Variants in AGAP9 observed in about 807,000 individuals in gnomAD.
AGAP9 encodes the protein arf-GAP with GTPase, ANK repeat and PH domain-containing protein 9.
A neutral mutation model predicts 55.6 loss-of-function variants in AGAP9; 23 were observed. That is an observed-to-expected ratio of 0.41 (90% CI 0.30 to 0.59). The LOEUF (loss-of-function observed/expected upper bound fraction) is 0.59, where lower values mean the gene tolerates loss of function less well. Among genes scored for constraint, AGAP9 ranks in the 20% least tolerant of loss-of-function variants. AGAP9 has a pLI of 0.25. For synonymous variants in AGAP9, 120 were observed against 305.0 expected, an observed-to-expected ratio of 0.39 and a Z score of 6.32; for missense variants, 309 against 808.1, an observed-to-expected ratio of 0.38 and a Z score of 7.49.
intron 4 of AGAP9, among the ~76,000 whole-genome samples, chr10:47,513,286 G>T (rs1840665827): frequency 2.1e-5 from 3 of 142,966 alleles, no homozygotes; most frequent in Admixed American, 7.1e-5. Context: ...GTCCGCCTCA[G>T]CCTCCCAAAG....
chr10:47,522,481 C>T (rs1314519283), intron 2 of AGAP9, among the ~76,000 whole-genome samples: 5 of 150,916 alleles, frequency 3.3e-5, no homozygotes, highest in African/African-American at 9.9e-5. Flanking sequence ...ATTTTAAGCA[C>T]TCTCCTTTTT....
chr10:47,520,796 G>A (rs1840808334), intron 2 of AGAP9, among the ~76,000 whole-genome samples: 3 of 83,302 alleles, frequency 3.6e-5, no homozygotes, highest in African/African-American at 1.8e-4. Context: ...AGGTCAGGAA[G>A]TTGAGGCCAG....
intron 2 of AGAP9, among the ~76,000 whole-genome samples, chr10:47,521,518 A>G (rs1840836305): frequency 7.1e-6 from 1 of 140,786 alleles, no homozygotes; most frequent in Non-Finnish European, 1.5e-5. Flanking sequence ...AAGAGCTATA[A>G]GACATTTCCT....
chr10:47,514,255 T>C (rs1840687520), intron 4 of AGAP9, among the ~76,000 whole-genome samples: 1 of 149,388 alleles, frequency 6.7e-6, no homozygotes, highest in Non-Finnish European at 1.5e-5. Flanking sequence ...ATACATATTA[T>C]ATATATATAT....
At chr10:47,514,145 C>A (rs1840684028) in intron 4 of AGAP9, among the ~76,000 whole-genome samples, 1 of 142,840 alleles carries the variant, frequency 7.0e-6, no homozygotes. Context: ...GGGCTATTAT[C>A]CAGAATCTAT....
Position 47,501,875 on chromosome 10 carries a change from C to T in AGAP9, c.*277G>A, listed in dbSNP as rs1397222920. 2.5e-6 allele frequency: 2 copies of T among 801,886 alleles called. No homozygotes were observed. The highest frequency in any genetic ancestry group is 1.9e-6 in the Non-Finnish European group (1 of 513,488). The allele number at this position is 801,886 out of a possible 1,614,324, so 49.7% of individuals were successfully genotyped here. A position where few individuals can be genotyped will look rare whatever the true frequency, so the allele number is the denominator to read the frequency against. ...TGTGGCCAGGAGGGCCTGAGACTAACACATCCACCTTGGCAAAAGGACATA... is the reference window on the plus strand; with the variant it reads ...TGTGGCCAGGAGGGCCTGAGACTAATACATCCACCTTGGCAAAAGGACATA... On this transcript the variant is annotated 3_prime_UTR_variant, in exon 8 of 8. Coordinates refer to ENST00000452145, the MANE Select transcript of AGAP9 (RefSeq NM_001190810.1).
chr10:47,514,320 A>G (rs1840689431), intron 4 of AGAP9, among the ~76,000 whole-genome samples: 1 of 150,262 alleles, frequency 6.7e-6, no homozygotes, highest in Non-Finnish European at 1.5e-5. Context: ...ATTCCCAGCA[A>G]CCTGGATGGA....
rs1440908426 is a variant in AGAP9 at position 47,502,806 on chromosome 10, C to T, written c.1323G>A (p.Gln441=). 1.0e-5 allele frequency: 16 copies of T among 1,591,288 alleles called. No homozygotes were observed. The Admixed American group carries it at 1.2e-4, about 12-fold the overall frequency. Residue 441 remains glutamine (Q), a synonymous_variant, in exon 8 of 8, where the codon CAG becomes CAA. Transcript: ENST00000452145. ...RDAWVQAIQS[Q]ILASLQSCKS... ...TGCATGACTGCAGGCTGGCCAGGAT[C>T]TGGCTCTGGATGGCTTGGACCCAGG... is the stretch of plus-strand genomic sequence containing the variant.
intron 4 of AGAP9, among the ~76,000 whole-genome samples, chr10:47,510,615 G>A (rs1389251883): frequency 1.3e-4 from 16 of 120,172 alleles, no homozygotes; most frequent in African/African-American, 5.2e-4. Context: ...CAGATCACGA[G>A]GTCAAGAGAT....
At chr10:47,521,175 G>A (rs1434012199) in intron 2 of AGAP9, among the ~76,000 whole-genome samples, 42 of 126,316 alleles carry the variant, frequency 3.3e-4, no homozygotes, top group Non-Finnish European at 5.9e-4. Context: ...GGCCAAGTGA[G>A]ACATACATAA....
At chr10:47,510,939 T>A (rs1394182219) in intron 4 of AGAP9, among the ~76,000 whole-genome samples, 11,087 of 113,734 alleles carry the variant, frequency 0.097, 638 homozygotes, top group African/African-American at 0.19. Context: ...TTAATTAATT[T>A]ATTTATTTAT....
intron 2 of AGAP9, among the ~76,000 whole-genome samples, chr10:47,521,049 G>A (rs1239857448): frequency 1.8e-5 from 2 of 113,686 alleles, no homozygotes; most frequent in Non-Finnish European, 3.4e-5. Context: ...TGAGGACACA[G>A]AACCTTAGTT....
Position 47,520,487 on chromosome 10 carries a change from A to C in AGAP9, c.361+12T>G. ...ATTCTTTCTCTTGGCGGAAAAAACAATGTTGTCTCACCATCTGTTTGAGAG... is the reference window on the plus strand; with the variant it reads ...ATTCTTTCTCTTGGCGGAAAAAACACTGTTGTCTCACCATCTGTTTGAGAG... On this transcript the variant is annotated intron_variant, in intron 3 of 7. Transcript: ENST00000452145. 2 of 1,502,388 alleles carry C rather than the reference A, an allele frequency of 1.3e-6. No individual in the cohort carries two copies. Among genetic ancestry groups the C allele is most frequent in the South Asian group, 2.3e-5 (2 of 86,182 alleles). The allele number at this position is 1,502,388 out of a possible 1,614,324, so 93.1% of individuals were successfully genotyped here.
chr10:47,505,252 G>A (rs1337592170), intron 6 of AGAP9, among the ~76,000 whole-genome samples: 20 of 101,038 alleles, frequency 2.0e-4, no homozygotes, highest in African/African-American at 3.7e-4. Flanking sequence ...CTGCTTTTTC[G>A]TTGACACTTG....
chr10:47,503,719 T>C lies in AGAP9; in HGVS notation c.586-176A>G, dbSNP rs1411311570. On this transcript the variant is annotated intron_variant, in intron 7 of 7. Transcript: ENST00000452145. The stretch of plus-strand genomic sequence containing the variant: ...GGTGGGTGGATCACGAGGTCAGGAG[T>C]TCAAGACCATCCTGGCCAACATGGT... Among the ~76,000 whole-genome samples the C allele has an allele frequency of 4.8e-5, 6 of 124,816 alleles. No individual in the cohort carries two copies. In the East Asian group the frequency reaches 1.5e-3, roughly 31 times the overall value. The allele number at this position is 124,816 out of a possible 152,430, so 81.9% of individuals were successfully genotyped here. A position where few individuals can be genotyped will look rare whatever the true frequency, so the allele number is the denominator to read the frequency against.
chr10:47,506,322 T>C (rs1840474722), intron 6 of AGAP9, among the ~76,000 whole-genome samples: 1 of 137,160 alleles, frequency 7.3e-6, no homozygotes, highest in Admixed American at 7.5e-5. Flanking sequence ...GGTTAGGTCA[T>C]CTTATTGCTT....
intron 4 of AGAP9, among the ~76,000 whole-genome samples, chr10:47,510,931 A>ATTTATTT (rs1840604373): frequency 7.7e-6 from 1 of 129,852 alleles, no homozygotes; most frequent in African/African-American, 2.9e-5. Flanking sequence ...TTAATTAATT[A>ATTTATTT]ATTAATTTAT....
chr10:47,503,024 T>C lies in AGAP9; in HGVS notation c.1105A>G (p.Thr369Ala). 1 of 1,607,626 alleles carries C rather than the reference T, an allele frequency of 6.2e-7. No individual in the cohort carries two copies. Among genetic ancestry groups the C allele is most frequent in the Non-Finnish European group, 8.5e-7 (1 of 1,178,818 alleles). Residue 369 changes from threonine to alanine, a missense_variant, in exon 8 of 8, where the codon ACC (threonine) becomes GCC (alanine). Physicochemically the swap from Thr to Ala is moderately conservative, Grantham distance 58. Transcript: ENST00000452145. ...KSNGLSKDMD[T>A]GLGDSICFSP... ...AAGCATATGGAGTCACCCAGCCCGGTGTCCATGTCCTTGGATAGGCCATTG... is the reference window on the plus strand; with the variant it reads ...AAGCATATGGAGTCACCCAGCCCGGCGTCCATGTCCTTGGATAGGCCATTG...
intron 4 of AGAP9, among the ~76,000 whole-genome samples, chr10:47,513,063 T>G (rs1420838898): frequency 3.7e-5 from 4 of 108,336 alleles, no homozygotes; most frequent in African/African-American, 4.0e-5. Flanking sequence ...GATGGAGTCT[T>G]GCTCTGTTGC....
Sources: gnomAD v4.1 joint callset for allele counts (sites outside exome capture counted in the v4.1 genomes callset) on GRCh38, gnomAD v4.1.1 for gene constraint, MANE v1.5 for transcripts, NCBI Gene and HGNC (gene_info 2026-07-23, HGNC 2026-07-21) for gene names.